Variants in PLEKHA4 observed in about 807,000 individuals in gnomAD.
PLEKHA4 encodes the protein pleckstrin homology domain containing A4.
PLEKHA4 carries 73 observed loss-of-function variants against 94.7 expected under a neutral mutation model. The observed-to-expected ratio is 0.77, with a 90% confidence interval of 0.64 to 0.94. The LOEUF (loss-of-function observed/expected upper bound fraction) is 0.94. Among genes scored for constraint, PLEKHA4 ranks in the 40% least tolerant of loss-of-function variants. The probability of loss-of-function intolerance (pLI) is 0.00; values close to 1 mark genes in which losing one functional copy is unlikely to be tolerated. For missense variants in PLEKHA4, 1,049 were observed against 1,054.1 expected (o/e 1.00, Z 0.07); for synonymous variants, 449 against 437.1 (o/e 1.03, Z -0.34).
intron 9 of PLEKHA4, among the ~76,000 whole-genome samples, chr19:48,856,306 A>T (rs2036406084): frequency 6.6e-6 from 1 of 151,314 alleles, no homozygotes; most frequent in Non-Finnish European, 1.5e-5. Context: ...AAGGAAGGCC[A>T]GTCGCGGTGG....
At chr19:48,840,402 C>T (rs940424018) in intron 17 of PLEKHA4, among the ~76,000 whole-genome samples, 4 of 149,760 alleles carry the variant, frequency 2.7e-5, no homozygotes, top group African/African-American at 9.8e-5. Context: ...GCGACCTTGT[C>T]CCTGAAAAAA....
rs769937370 is a variant in PLEKHA4 at position 48,853,723 on chromosome 19, G to T, written c.1285C>A (p.Arg429=). 1.9e-6 allele frequency: 3 copies of T among 1,607,660 alleles called. No individual in the cohort carries two copies. The highest frequency in any genetic ancestry group is 2.5e-6 in the Non-Finnish European group (3 of 1,177,998). The change falls in exon 12 of 20, where the codon CGG becomes AGG. Residue 429 remains arginine (R), a synonymous_variant. Transcript: ENST00000263265. ...AGGGTGGCCCTCACACTGACCAGCC[G>T]GTCCTGCAAGAGGCGCTGGCGACCC... ...AWGRQRLLQD[R]LVSVRATLCH... is the part of the protein sequence containing the mutation.
intron 9 of PLEKHA4, among the ~76,000 whole-genome samples, chr19:48,856,932 A>C (rs1213582559): frequency 7.6e-6 from 1 of 131,118 alleles, no homozygotes; most frequent in Non-Finnish European, 1.5e-5. Context: ...AAAGAAAGAA[A>C]AGAAAAGAAA....
chr19:48,865,740 C>A, intron 2 of PLEKHA4, 130 bp from the exon 3 acceptor site: 1 of 612,742 alleles, frequency 1.6e-6, no homozygotes, highest in Non-Finnish European at 2.9e-6. Context: ...ACCAGCCGGG[C>A]GCAGTGGCTC....
Position 48,860,359 on chromosome 19 carries a change from C to G in PLEKHA4, c.467G>C (p.Gly156Ala), listed in dbSNP as rs753171777. 1 of 1,613,530 alleles carries G rather than the reference C, an allele frequency of 6.2e-7. No homozygotes were observed. The highest frequency in any genetic ancestry group is 2.2e-5 in the East Asian group (1 of 44,894). Residue 156 changes from glycine to alanine, a missense_variant, in exon 6 of 20, where the codon GGG becomes GCG. By Grantham distance (60) the Gly-to-Ala change is moderately conservative. Transcript: ENST00000263265. Reference sequence around the variant, plus strand: ...TTGGACCTCTACTCACTAGTCGTCCCCCTCCGCACGGGAGGCCCGGCCCAG... The same window carrying G: ...TTGGACCTCTACTCACTAGTCGTCCGCCTCCGCACGGGAGGCCCGGCCCAG... ...RALGRASRAEGDDYGQPRSPA... is the reference protein window; with the variant it reads ...RALGRASRAEADDYGQPRSPA...
intron 16 of PLEKHA4, among the ~76,000 whole-genome samples, chr19:48,842,143 C>CTTTTT (rs398059794): frequency 1.8e-4 from 22 of 121,440 alleles, no homozygotes; most frequent in East Asian, 4.5e-4. Flanking sequence ...AATTTATTTT[C>CTTTTT]TTTTTTTTTT....
chr19:48,849,336 T>C (rs1481486755), intron 13 of PLEKHA4, among the ~76,000 whole-genome samples: 3 of 150,534 alleles, frequency 2.0e-5, no homozygotes, highest in African/African-American at 7.3e-5. Flanking sequence ...TAAGATGGAG[T>C]CTCTCCCTAT....
chr19:48,867,416 A>G lies in PLEKHA4; in HGVS notation c.84+121T>C, dbSNP rs2036869719. 1.7e-6 allele frequency: 2 copies of G among 1,153,366 alleles called. No homozygotes were observed. Among genetic ancestry groups the G allele is most frequent in the East Asian group, 5.2e-5 (2 of 38,706 alleles). The allele number at this position is 1,153,366 out of a possible 1,614,324, so 71.4% of individuals were successfully genotyped here. On this transcript the variant is annotated intron_variant, in intron 2 of 19. Transcript: ENST00000263265. This position sits in a 1 kb window ranked among gnomAD's most constrained non-coding sequence, Gnocchi z 4.7. Reference sequence around the variant, plus strand: ...TGTGTAGGCAATTTGGGACCTTACTATGTCTGGCAGACCCCGTTGCTAAGG... The same window carrying G: ...TGTGTAGGCAATTTGGGACCTTACTGTGTCTGGCAGACCCCGTTGCTAAGG...
chr19:48,867,588 G>T lies in PLEKHA4; in HGVS notation c.33C>A (p.Ser11Arg). The T allele has an allele frequency of 6.2e-7, 1 of 1,601,822 alleles. No homozygotes were observed. Among genetic ancestry groups the T allele is most frequent in the Non-Finnish European group, 8.5e-7 (1 of 1,176,258 alleles). Residue 11 changes from serine to arginine, a missense_variant, in exon 2 of 20, where the codon AGC becomes AGA. By Grantham distance (110) the Ser-to-Arg change is moderately radical (BLOSUM62 -1). Coordinates refer to ENST00000263265, the MANE Select transcript of PLEKHA4 (RefSeq NM_020904.3). The surrounding 1 kb of genome is among the most constrained non-coding windows in gnomAD (Gnocchi z 4.7). MEGSRPRSSL[S>R]LASSASTISS... Reference sequence around the variant, plus strand: ...AGATGGTGGAGGCGCTGCTGGCCAGGCTCAGGCTGCTGCGAGGTCGGCTCC... The same window carrying T: ...AGATGGTGGAGGCGCTGCTGGCCAGTCTCAGGCTGCTGCGAGGTCGGCTCC...
chr19:48,857,576 A>C (rs565636388), intron 8 of PLEKHA4, 80 bp from the exon 9 acceptor site: 1 of 801,788 alleles, frequency 1.2e-6, no homozygotes, highest in Non-Finnish European at 2.1e-6. Context: ...ACTAAGAAAA[A>C]TTCTTCTGCC....
intron 9 of PLEKHA4, among the ~76,000 whole-genome samples, chr19:48,855,697 G>T (rs2123065427): frequency 6.6e-6 from 1 of 151,914 alleles, no homozygotes; most frequent in South Asian, 2.1e-4. Flanking sequence ...GCTGAGGTGG[G>T]AGTATCGCTT....
At chr19:48,844,960 G>A (rs572389791) in intron 16 of PLEKHA4, among the ~76,000 whole-genome samples, 37 of 151,850 alleles carry the variant, frequency 2.4e-4, no homozygotes, top group African/African-American at 8.0e-4. Flanking sequence ...GATTACAGGC[G>A]CCCACCACCA....
At chr19:48,840,743 A>C (rs1277365760) in intron 17 of PLEKHA4, among the ~76,000 whole-genome samples, 1 of 152,166 alleles carries the variant, frequency 6.6e-6, no homozygotes, top group East Asian at 1.9e-4. Flanking sequence ...AAAACGTCTA[A>C]GGGGAAACCA....
At chr19:48,845,669 AT>A in intron 14 of PLEKHA4, 53 bp from the exon 15 acceptor site, 1 of 1,339,894 alleles carries the variant, frequency 7.5e-7, no homozygotes, top group Non-Finnish European at 1.0e-6. Flanking sequence ...AATTATTATT[AT>A]TACCATGTTG....
intron 12 of PLEKHA4, 87 bp from the exon 13 acceptor site, chr19:48,852,413 G>T: frequency 9.4e-7 from 1 of 1,062,622 alleles, no homozygotes. Context: ...CTAAGGAGGA[G>T]ATAAGGGAGT....
chr19:48,861,677 G>C lies in PLEKHA4; in HGVS notation c.208C>G (p.Arg70Gly). The C allele has an allele frequency of 6.2e-7, 1 of 1,614,086 alleles. No individual in the cohort carries two copies. Among genetic ancestry groups the C allele is most frequent in the Non-Finnish European group, 8.5e-7 (1 of 1,179,952 alleles). ...ACGAACCAGCGGCGTTTCCAGAGAC[G>C]GAGCCCCGAGCTGTCCTGGGGAGAG... ...WLHKQDSSGL[R>G]LWKRRWFVLS... The change falls in exon 4 of 20, where the codon CGT becomes GGT. Residue 70 changes from arginine (R) to glycine (G), a missense_variant. Transcript: ENST00000263265.
intron 2 of PLEKHA4, among the ~76,000 whole-genome samples, chr19:48,866,904 C>T (rs1465923864): frequency 3.3e-5 from 5 of 152,228 alleles, no homozygotes; most frequent in Middle Eastern, 3.4e-3. Context: ...CCATCCTGCC[C>T]GGATGGAGCC....
In PLEKHA4 at chr19:48,868,574, C is replaced by G. The variant is rs2036910401; in HGVS notation, c.-498G>C. 1 of 152,762 alleles carries G rather than the reference C, an allele frequency of 6.5e-6. No individual in the cohort carries two copies. Among genetic ancestry groups the G allele is most frequent in the African/African-American group, 2.4e-5 (1 of 41,558 alleles). The allele number at this position is 152,762 out of a possible 1,614,324, so 9.5% of individuals were successfully genotyped here. A position where few individuals can be genotyped will look rare whatever the true frequency, so the allele number is the denominator to read the frequency against. On this transcript the variant is annotated 5_prime_UTR_variant, in exon 1 of 20. Transcript: ENST00000263265. ...TTTCTCTTTCCGATTTCCCTTCTCA[C>G]TTTCTCCCTTCCTCCCTCTCCCAGT...
chr19:48,852,564 T>C (rs1488116904), intron 12 of PLEKHA4, among the ~76,000 whole-genome samples: 1 of 152,002 alleles, frequency 6.6e-6, no homozygotes, highest in Admixed American at 6.6e-5. Context: ...ATTCCCTGAA[T>C]CCCCAGGATT....
Sources: allele counts gnomAD v4.1 joint callset (sites outside exome capture counted in the v4.1 genomes callset), GRCh38; gene constraint gnomAD v4.1.1; non-coding constraint Gnocchi (gnomAD v3.1); transcripts MANE v1.5; gene names NCBI Gene and HGNC (gene_info 2026-07-23, HGNC 2026-07-21).